ARHGAP28: variants seen among roughly 807,000 people sequenced by gnomAD.
The protein encoded by ARHGAP28 is rho GTPase-activating protein 28.
Under a neutral mutation model 90.7 loss-of-function variants are expected in ARHGAP28, and 56 were observed. The ratio of observed to expected loss-of-function variants is 0.62; its 90% CI spans 0.50 to 0.77. The LOEUF (loss-of-function observed/expected upper bound fraction) is 0.77, where lower values mean the gene tolerates loss of function less well. Ranked by LOEUF, ARHGAP28 falls within the 30% of genes least tolerant of loss-of-function variation. The pLI, the probability that ARHGAP28 is intolerant of heterozygous loss-of-function variation, is 0.00. For synonymous variants in ARHGAP28, 308 were observed against 323.3 expected (o/e 0.95, Z 0.51); for missense variants, 869 against 900.9 (o/e 0.96, Z 0.45).
intron 1 of ARHGAP28, among the ~76,000 whole-genome samples, chr18:6,816,472 C>T (rs1362658638): frequency 6.6e-6 from 1 of 152,160 alleles, no homozygotes; most frequent in Admixed American, 6.5e-5. Context: ...AGTCCTGCTA[C>T]AGGCTCACTG....
intron 9 of ARHGAP28, chr18:6,874,895 T>A (rs2057119143): frequency 6.6e-6 from 1 of 152,242 alleles, no homozygotes; most frequent in Non-Finnish European, 1.5e-5. Context: ...ACTGCCCTTT[T>A]ACTGATGAGG....
Position 6,791,836 on chromosome 18 carries a change from TG to T in ARHGAP28, c.123-32923del, listed in dbSNP as rs112177379. 1.6e-3 allele frequency among the ~76,000 whole-genome samples: 238 copies of T among 150,538 alleles called. 2 individuals carry two copies. The highest frequency in any genetic ancestry group is 5.1e-3 in the African/African-American group (210 of 41,224). On this transcript the variant is annotated intron_variant, in intron 1 of 17. Transcript: ENST00000383472. ...GTTTTTTTCTTTTTTTTTTAATTTG[TG>T]GGTTTTTTTTGTTTGTTTGTTTGTT...
At chr18:6,832,630 T>A (rs2143830038) in intron 2 of ARHGAP28, among the ~76,000 whole-genome samples, 1 of 152,206 alleles carries the variant, frequency 6.6e-6, no homozygotes, top group South Asian at 2.1e-4. Flanking sequence ...AATTGACTCA[T>A]TTTATCATTA....
intron 1 of ARHGAP28, among the ~76,000 whole-genome samples, chr18:6,816,835 C>T (rs1238312887): frequency 6.6e-6 from 1 of 152,054 alleles, no homozygotes; most frequent in Non-Finnish European, 1.5e-5. Context: ...CACCTGTAAT[C>T]CCAGCACTTT....
chr18:6,762,717 G>A (rs762902047), intron 1 of ARHGAP28, among the ~76,000 whole-genome samples: 40 of 152,050 alleles, frequency 2.6e-4, no homozygotes, highest in Non-Finnish European at 4.1e-4. Context: ...AGGACAGAGG[G>A]AAGACTAAGT....
intron 16 of ARHGAP28, among the ~76,000 whole-genome samples, chr18:6,907,138 T>C (rs2143850119): frequency 6.6e-6 from 1 of 152,146 alleles, no homozygotes; most frequent in African/African-American, 2.4e-5. Context: ...ATGGCTAAAA[T>C]AAAAAATAGT....
chr18:6,857,790 A>C (rs574315207), intron 4 of ARHGAP28, among the ~76,000 whole-genome samples: 1 of 152,348 alleles, frequency 6.6e-6, no homozygotes, highest in Non-Finnish European at 1.5e-5. Context: ...CCGGGCCTCT[A>C]AAGTTTTCTG....
chr18:6,812,979 G>A (rs896093817), intron 1 of ARHGAP28, among the ~76,000 whole-genome samples: 1 of 152,216 alleles, frequency 6.6e-6, no homozygotes, highest in Non-Finnish European at 1.5e-5. Flanking sequence ...ATGATGAACA[G>A]TGTTTTCAGT....
intron 1 of ARHGAP28, among the ~76,000 whole-genome samples, chr18:6,819,025 T>G (rs2056609743): frequency 6.6e-6 from 1 of 152,212 alleles, no homozygotes. Flanking sequence ...GTGGGGTGCA[T>G]ATAAGGATCA....
chr18:6,775,556 G>A (rs555011621), intron 1 of ARHGAP28, among the ~76,000 whole-genome samples: 5 of 152,300 alleles, frequency 3.3e-5, no homozygotes, highest in Non-Finnish European at 5.9e-5. Context: ...TTCAGGTGGT[G>A]TAAGCAAAAC....
At chr18:6,836,815 T>C (rs554294974) in intron 2 of ARHGAP28, among the ~76,000 whole-genome samples, 14 of 152,194 alleles carry the variant, frequency 9.2e-5, no homozygotes, top group African/African-American at 3.4e-4. Context: ...GCCCTGGCAT[T>C]TGAACCTCCA....
intron 5 of ARHGAP28, among the ~76,000 whole-genome samples, chr18:6,862,697 C>T (rs1287564977): frequency 6.6e-6 from 1 of 152,130 alleles, no homozygotes; most frequent in Non-Finnish European, 1.5e-5. Flanking sequence ...CATAAAAAAT[C>T]TTGTTATGAC....
At chr18:6,772,782 TG>T (rs1234634526) in intron 1 of ARHGAP28, among the ~76,000 whole-genome samples, 1 of 152,126 alleles carries the variant, frequency 6.6e-6, no homozygotes, top group Non-Finnish European at 1.5e-5. Context: ...TTGCCCAGGC[TG>T]GAGTGCAATG....
At chr18:6,766,638 C>T (rs1345334331) in intron 1 of ARHGAP28, among the ~76,000 whole-genome samples, 1 of 152,058 alleles carries the variant, frequency 6.6e-6, no homozygotes, top group African/African-American at 2.4e-5. Flanking sequence ...CTTTTGGGGA[C>T]CCAAAAGTCC....
At chr18:6,835,943 GTC>G (rs1432426710) in intron 2 of ARHGAP28, among the ~76,000 whole-genome samples, 2 of 152,164 alleles carry the variant, frequency 1.3e-5, no homozygotes, top group East Asian at 3.9e-4. Context: ...TGGTCTTGAG[GTC>G]TCTCTCGGGT....
Position 6,859,790 on chromosome 18 carries a change from T to C in ARHGAP28, c.637-18T>C. 3 of 1,610,978 alleles carry C rather than the reference T, an allele frequency of 1.9e-6. No individual in the cohort carries two copies. The highest frequency in any genetic ancestry group is 2.5e-6 in the Non-Finnish European group (3 of 1,177,470). On this transcript the variant is annotated intron_variant, in intron 4 of 17. Coordinates refer to ENST00000383472, the MANE Select transcript of ARHGAP28 (RefSeq NM_001366230.1). The stretch of plus-strand genomic sequence containing the variant: ...GTATTTGCCTGAATAAGAATGGTAC[T>C]TTTATTTCTCCATTTAGCCAGATGA...
intron 2 of ARHGAP28, among the ~76,000 whole-genome samples, chr18:6,831,471 G>GTT (rs57331018): frequency 2.7e-4 from 29 of 109,284 alleles, no homozygotes; most frequent in African/African-American, 5.9e-4. Context: ...GTATCTTGAT[G>GTT]TTTTTTTTTT....
At chr18:6,768,724 T>A (rs1044386903) in intron 1 of ARHGAP28, among the ~76,000 whole-genome samples, 3 of 152,174 alleles carry the variant, frequency 2.0e-5, no homozygotes, top group Admixed American at 6.5e-5. Flanking sequence ...TACTTTTTCT[T>A]CCAAATTCCA....
At chr18:6,834,037 A>G (rs897676407) in intron 2 of ARHGAP28, among the ~76,000 whole-genome samples, 6 of 152,112 alleles carry the variant, frequency 3.9e-5, no homozygotes, top group African/African-American at 1.4e-4. Context: ...AGAGCAGGGC[A>G]AGCAGTGGAG....
Sources: gnomAD v4.1 joint callset for allele counts (sites outside exome capture counted in the v4.1 genomes callset) on GRCh38, gnomAD v4.1.1 for gene constraint, MANE v1.5 for transcripts, NCBI Gene and HGNC (gene_info 2026-07-23, HGNC 2026-07-21) for gene names.